The following PDK1 variants were observed in gnomAD, a reference collection of about 807,000 sequenced individuals.
The protein encoded by PDK1 is [Pyruvate dehydrogenase (acetyl-transferring)] kinase isozyme 1, mitochondrial.
A neutral mutation model predicts 54.2 loss-of-function variants in PDK1; 39 were observed. The ratio of observed to expected loss-of-function variants is 0.72; its 90% CI spans 0.56 to 0.94. PDK1 has a LOEUF of 0.94. PDK1 is among the 40% of genes least tolerant of loss of function. PDK1 has a pLI of 0.00. For missense variants in PDK1, 552 were observed against 566.0 expected (o/e 0.98, Z 0.25); for synonymous variants, 221 against 207.1 (o/e 1.07, Z -0.58).
At chr2:172,663,699 G>A in the PDK1 span, among the ~76,000 whole-genome samples, 4 of 152,132 alleles carry the variant, frequency 2.6e-5, no homozygotes, top group African/African-American at 9.7e-5. Context: ...CCGCTTCTTG[G>A]GTGGAATCTG....
chr2:172,633,249 T>A, the PDK1 span, among the ~76,000 whole-genome samples: 1 of 151,744 alleles, frequency 6.6e-6, no homozygotes, highest in Non-Finnish European at 1.5e-5. Context: ...GGTCTCACTA[T>A]GTTGTCCAGG....
chr2:172,688,676 G>C, the PDK1 span, among the ~76,000 whole-genome samples: 1 of 152,200 alleles, frequency 6.6e-6, no homozygotes, highest in Non-Finnish European at 1.5e-5. Flanking sequence ...TAATATCTGG[G>C]AAAGGAGAGA....
chr2:172,625,344 T>C, the PDK1 span, among the ~76,000 whole-genome samples: 1 of 152,222 alleles, frequency 6.6e-6, no homozygotes, highest in Non-Finnish European at 1.5e-5. Context: ...ATTCTCTTTC[T>C]ATCCTTACTG....
intron 8 of PDK1, among the ~76,000 whole-genome samples, chr2:172,575,005 TC>T (rs1232350795): frequency 1.3e-5 from 2 of 152,212 alleles, no homozygotes; most frequent in African/African-American, 4.8e-5. Context: ...CTGATTTTTT[TC>T]ATAGATACCC....
intron 8 of PDK1, among the ~76,000 whole-genome samples, chr2:172,576,922 G>A (rs1414028681): frequency 6.6e-6 from 1 of 152,160 alleles, no homozygotes; most frequent in African/African-American, 2.4e-5. Flanking sequence ...AGAAAAGTGT[G>A]CATTCTGATG....
chr2:172,558,580 C>G, intron 1 of PDK1, 128 bp from the exon 2 acceptor site: 2 of 773,366 alleles, frequency 2.6e-6, no homozygotes, highest in Admixed American at 2.7e-5. Flanking sequence ...CTCCTATTCC[C>G]TGCCCCATCG....
rs535389257 is a variant in PDK1 at position 172,608,400 on chromosome 2, A to G, written c.*12431A>G. On this transcript the variant is annotated 3_prime_UTR_variant, in exon 11 of 11. Coordinates refer to ENST00000282077, the MANE Select transcript of PDK1 (RefSeq NM_002610.5). ...ATTCTGGGGTATTTTGGCTAATGTTATTTGCAATGTCCATAAACTCAGAAG... is the reference window on the plus strand; with the variant it reads ...ATTCTGGGGTATTTTGGCTAATGTTGTTTGCAATGTCCATAAACTCAGAAG... 3.9e-5 allele frequency: 6 copies of G among 152,170 alleles called. No homozygotes were observed. Among genetic ancestry groups the G allele is most frequent in the Non-Finnish European group, 7.4e-5 (5 of 68,020 alleles). 9.4% of individuals were successfully genotyped at this position (152,170 alleles called of 1,614,324 possible).
chr2:172,702,862 A>T, the PDK1 span, among the ~76,000 whole-genome samples: 1 of 152,126 alleles, frequency 6.6e-6, no homozygotes, highest in Admixed American at 6.5e-5. Flanking sequence ...TCTTGGCAAT[A>T]CCTTTTCTGT....
chr2:172,556,108 G>A lies in PDK1; in HGVS notation c.-43G>A, dbSNP rs1267285096. 3 of 1,341,404 alleles carry A rather than the reference G, an allele frequency of 2.2e-6. No individual in the cohort carries two copies. The African/African-American group carries it at 4.6e-5, about 21-fold the overall frequency. 83.1% of individuals were successfully genotyped at this position (1,341,404 alleles called of 1,614,324 possible). A position where few individuals can be genotyped will look rare whatever the true frequency, so the allele number is the denominator to read the frequency against. On this transcript the variant is annotated 5_prime_UTR_variant, in exon 1 of 11. Coordinates refer to ENST00000282077, the MANE Select transcript of PDK1 (RefSeq NM_002610.5). ...ACGTACCACTCGGCAGAGGCGCGGG[G>A]AAACCTGGCGTACTGGCTGTGGCTT...
At chr2:172,713,367 G>C in the PDK1 span, among the ~76,000 whole-genome samples, 1 of 152,132 alleles carries the variant, frequency 6.6e-6, no homozygotes, top group Admixed American at 6.5e-5. Flanking sequence ...GTTTTATGGG[G>C]GACTAGCTCC....
chr2:172,714,176 A>G, the PDK1 span, among the ~76,000 whole-genome samples: 4 of 152,258 alleles, frequency 2.6e-5, no homozygotes, highest in Admixed American at 2.0e-4. Flanking sequence ...TTATGTTAAC[A>G]TCTGAAATTT....
chr2:172,562,036 C>T (rs1277912678), intron 2 of PDK1, among the ~76,000 whole-genome samples, 184 bp from the exon 3 acceptor site: 1 of 152,152 alleles, frequency 6.6e-6, no homozygotes, highest in Non-Finnish European at 1.5e-5. Context: ...GCACCTTCTA[C>T]CATTCATTCC....
chr2:172,715,796 A>C, the PDK1 span, among the ~76,000 whole-genome samples: 1 of 152,362 alleles, frequency 6.6e-6, no homozygotes. Flanking sequence ...TAATGGAAAC[A>C]TTCAAACAAG....
At chr2:172,665,951 A>C in the PDK1 span, among the ~76,000 whole-genome samples, 1 of 152,202 alleles carries the variant, frequency 6.6e-6, no homozygotes, top group East Asian at 1.9e-4. Flanking sequence ...GGCCATAAGC[A>C]TGAAAGCCAA....
the PDK1 span, among the ~76,000 whole-genome samples, chr2:172,651,612 G>A: frequency 6.6e-4 from 101 of 152,016 alleles, 1 homozygote; most frequent in East Asian, 3.1e-3. Flanking sequence ...TCAAATAGAC[G>A]CAATAAAAAA....
At chr2:172,567,440 A>G (rs576034665) in intron 6 of PDK1, among the ~76,000 whole-genome samples, 2 of 152,330 alleles carry the variant, frequency 1.3e-5, no homozygotes, top group African/African-American at 4.8e-5. Context: ...AGATGCCTTG[A>G]AGAGGGATTG....
chr2:172,703,824 A>G, the PDK1 span, among the ~76,000 whole-genome samples: 1 of 126,412 alleles, frequency 7.9e-6, no homozygotes, highest in African/African-American at 3.1e-5. Flanking sequence ...CCAGGCTGGC[A>G]TGCAGTTGTG....
chr2:172,561,386 C>T (rs956114648), intron 2 of PDK1, among the ~76,000 whole-genome samples: 2 of 152,214 alleles, frequency 1.3e-5, no homozygotes, highest in African/African-American at 4.8e-5. Context: ...TCAGAAACAG[C>T]TTTCCAAACC....
At chr2:172,703,766 C>CTTTTTTTTTTTTTTTTTTTTTTTT in the PDK1 span, among the ~76,000 whole-genome samples, 33 of 89,118 alleles carry the variant, frequency 3.7e-4, no homozygotes, top group African/African-American at 5.3e-4. Context: ...TTCTTTCTTT[C>CTTTTTTTTTTTTTTTTTTTTTTTT]TTTTTTTTTT....
Sources: gnomAD v4.1 joint callset for allele counts (sites outside exome capture counted in the v4.1 genomes callset) on GRCh38, gnomAD v4.1.1 for gene constraint, MANE v1.5 for transcripts, NCBI Gene and HGNC (gene_info 2026-07-23, HGNC 2026-07-21) for gene names.